The following DDHD1 variants were observed in gnomAD, a reference collection of about 807,000 sequenced individuals.
The protein encoded by DDHD1 is phospholipase DDHD1.
In DDHD1, 49 loss-of-function variants were observed where a neutral mutation model predicts 96.4. The ratio of observed to expected loss-of-function variants is 0.51; its 90% CI spans 0.40 to 0.64. The LOEUF is 0.64. DDHD1 is among the 30% of genes least tolerant of loss of function. The probability of loss-of-function intolerance (pLI) is 0.00; values close to 1 mark genes in which losing one functional copy is unlikely to be tolerated. For missense variants in DDHD1, 1,106 were observed against 1,161.2 expected (o/e 0.95, Z 0.69); for synonymous variants, 442 against 446.5 (o/e 0.99, Z 0.13).
At chr14:53,088,994 T>G (rs1326484699) in intron 4 of DDHD1, among the ~76,000 whole-genome samples, 2 of 152,194 alleles carry the variant, frequency 1.3e-5, no homozygotes, top group African/African-American at 4.8e-5. Context: ...AAAATCGATG[T>G]GCAAAAATCA....
intron 12 of DDHD1, among the ~76,000 whole-genome samples, chr14:53,050,827 TA>T (rs1882478976): frequency 1.3e-5 from 2 of 152,054 alleles, no homozygotes; most frequent in Non-Finnish European, 2.9e-5. Flanking sequence ...CTTAGGTAGC[TA>T]GGTAGGATGG....
intron 1 of DDHD1, among the ~76,000 whole-genome samples, chr14:53,129,086 T>C (rs1889673272): frequency 6.6e-6 from 1 of 152,222 alleles, no homozygotes; most frequent in Non-Finnish European, 1.5e-5. Flanking sequence ...TTTTTCAGAC[T>C]CAGCCAACCT....
intron 4 of DDHD1, among the ~76,000 whole-genome samples, chr14:53,082,199 C>A (rs1423958183): frequency 6.6e-6 from 1 of 152,056 alleles, no homozygotes; most frequent in Non-Finnish European, 1.5e-5. Context: ...TTTCCATGTT[C>A]TCTGAGCAAT....
At chr14:53,077,877 T>C (rs192335987) in intron 4 of DDHD1, among the ~76,000 whole-genome samples, 22 of 152,286 alleles carry the variant, frequency 1.4e-4, no homozygotes, top group Middle Eastern at 3.4e-3. Context: ...CATATAATCA[T>C]ACAATATGGG....
At chr14:53,098,431 T>G (rs966884930) in intron 2 of DDHD1, among the ~76,000 whole-genome samples, 1 of 151,972 alleles carries the variant, frequency 6.6e-6, no homozygotes, top group South Asian at 2.1e-4. Flanking sequence ...TACTAATTCC[T>G]ACAACAGAAA....
Position 53,102,658 on chromosome 14 carries a change from G to A in DDHD1, c.1012+1025C>T, listed in dbSNP as rs531934782. ...ACAAATGTATACATATGTTCAGAGA[G>A]GTAAGAGAGAGCAAAGAGTGGCAGA... is the stretch of plus-strand genomic sequence containing the variant. On this transcript the variant is annotated intron_variant, in intron 2 of 12. Coordinates refer to ENST00000673822, the MANE Select transcript of DDHD1 (RefSeq NM_001160148.2). Among the ~76,000 whole-genome samples the A allele has an allele frequency of 1.6e-4, 10 of 62,982 alleles. No homozygotes were observed. In the South Asian group the frequency reaches 9.8e-3, roughly 62 times the overall value. The allele number at this position is 62,982 out of a possible 152,430, so 41.3% of individuals were successfully genotyped here. A position where few individuals can be genotyped will look rare whatever the true frequency, so the allele number is the denominator to read the frequency against.
At chr14:53,138,628 CAACT>C (rs1386198491) in intron 1 of DDHD1, among the ~76,000 whole-genome samples, 4 of 152,042 alleles carry the variant, frequency 2.6e-5, no homozygotes, top group Non-Finnish European at 5.9e-5. Flanking sequence ...GGTCACAGTG[CAACT>C]AACTAATAAG....
In DDHD1 at chr14:53,152,647, G is replaced by A. The variant is rs201057717; in HGVS notation, c.452C>T (p.Pro151Leu). ...GERKRTRLGG[P>L]AARHRYEVVT... ...TACCTCATAGCGGTGCCGGGCCGCC[G>A]GGCCGCCAAGCCGGGTACGTTTCCT... The change falls in exon 1 of 13, where the codon CCG (proline) becomes CTG (leucine). Residue 151 changes from proline to leucine, a missense_variant. Transcript: ENST00000673822. The A allele has an allele frequency of 9.3e-6, 15 of 1,613,084 alleles. No homozygotes were observed. The African/African-American group carries it at 1.3e-4, about 14-fold the overall frequency.
chr14:53,118,008 C>A (rs897830121), intron 1 of DDHD1, among the ~76,000 whole-genome samples: 3 of 152,142 alleles, frequency 2.0e-5, no homozygotes, highest in Non-Finnish European at 4.4e-5. Flanking sequence ...GCTGGTGATA[C>A]CCAGGCAAAC....
chr14:53,110,025 A>C lies in DDHD1; in HGVS notation c.839-6169T>G, dbSNP rs75021055. Reference sequence around the variant, plus strand: ...AAAAATTGAACAAAACAAAACACACACCCATTTTTCCACCTGCATTCCCTA... The same window carrying C: ...AAAAATTGAACAAAACAAAACACACCCCCATTTTTCCACCTGCATTCCCTA... On this transcript the variant is annotated intron_variant, in intron 1 of 12. Coordinates refer to ENST00000673822, the MANE Select transcript of DDHD1 (RefSeq NM_001160148.2). Among the ~76,000 whole-genome samples the C allele has an allele frequency of 3.0e-4, 46 of 152,210 alleles. No individual in the cohort carries two copies. The East Asian group carries it at 8.1e-3, about 27-fold the overall frequency.
chr14:53,068,356 C>T (rs1235224208), intron 6 of DDHD1, among the ~76,000 whole-genome samples: 3 of 150,790 alleles, frequency 2.0e-5, no homozygotes, highest in East Asian at 1.9e-4. Context: ...CAGTCCTCCT[C>T]GGCCTCAGCA....
intron 4 of DDHD1, among the ~76,000 whole-genome samples, chr14:53,083,092 A>G (rs1172304678): frequency 6.6e-6 from 1 of 152,176 alleles, no homozygotes; most frequent in East Asian, 1.9e-4. Context: ...TTTGTGAACT[A>G]CATGTATGTC....
chr14:53,062,247 T>C (rs1330772669), intron 7 of DDHD1, among the ~76,000 whole-genome samples: 1 of 152,020 alleles, frequency 6.6e-6, no homozygotes, highest in Non-Finnish European at 1.5e-5. Context: ...TTAGTTAACA[T>C]CTGTAAGACA....
At chr14:53,077,614 G>A (rs1188502428) in intron 4 of DDHD1, among the ~76,000 whole-genome samples, 1 of 150,756 alleles carries the variant, frequency 6.6e-6, no homozygotes, top group African/African-American at 2.4e-5. Flanking sequence ...GTCTATTTTA[G>A]GTCTGTGAAT....
At chr14:53,147,925 T>C (rs1449550482) in intron 1 of DDHD1, among the ~76,000 whole-genome samples, 1 of 152,154 alleles carries the variant, frequency 6.6e-6, no homozygotes, top group Non-Finnish European at 1.5e-5. Context: ...ACACAAAGGA[T>C]TGTTATTATG....
intron 1 of DDHD1, among the ~76,000 whole-genome samples, chr14:53,107,519 A>C (rs1392465880): frequency 2.0e-5 from 3 of 152,184 alleles, no homozygotes; most frequent in Non-Finnish European, 4.4e-5. Context: ...GGCTGGATAC[A>C]GTGGCTAATG....
intron 4 of DDHD1, among the ~76,000 whole-genome samples, chr14:53,074,613 TATA>T (rs1405613692): frequency 6.6e-6 from 1 of 151,914 alleles, no homozygotes; most frequent in Non-Finnish European, 1.5e-5. Flanking sequence ...TAAATTATTT[TATA>T]ATATTAAAAA....
intron 1 of DDHD1, among the ~76,000 whole-genome samples, chr14:53,121,086 C>G (rs1343946696): frequency 6.6e-6 from 1 of 150,874 alleles, no homozygotes; most frequent in Non-Finnish European, 1.5e-5. Flanking sequence ...GAACTTAAAT[C>G]TACAAGAAAA....
intron 1 of DDHD1, among the ~76,000 whole-genome samples, chr14:53,109,386 A>C (rs559481441): frequency 5.9e-5 from 9 of 151,586 alleles, no homozygotes; most frequent in Non-Finnish European, 1.3e-4. Context: ...GGTTTATTTT[A>C]ACCTCTGTTC....
Sources: gnomAD v4.1 joint callset for allele counts (sites outside exome capture counted in the v4.1 genomes callset) on GRCh38, gnomAD v4.1.1 for gene constraint, MANE v1.5 for transcripts, NCBI Gene and HGNC (gene_info 2026-07-23, HGNC 2026-07-21) for gene names.